HS6ST1: variants seen among roughly 807,000 people sequenced by gnomAD.
HS6ST1 encodes the protein heparan sulfate 6-O-sulfotransferase 1.
Under a neutral mutation model 25.2 loss-of-function variants are expected in HS6ST1, and 3 were observed. That is an observed-to-expected ratio of 0.12 (90% CI 0.05 to 0.31). HS6ST1 has a LOEUF of 0.31. HS6ST1 is among the 10% of genes least tolerant of loss of function. The pLI is 1.00. For missense variants in HS6ST1, 310 were observed against 609.6 expected (o/e 0.51, Z 5.18); for synonymous variants, 204 against 275.1 (o/e 0.74, Z 2.56).
At chr2:128,287,387 G>A (rs1034499998) in intron 1 of HS6ST1, among the ~76,000 whole-genome samples, 7 of 152,196 alleles carry the variant, frequency 4.6e-5, no homozygotes, top group Non-Finnish European at 7.4e-5. Context: ...GAGGGTGAAC[G>A]AGACCCCCAG....
chr2:128,283,665 CCTCGCTCCTCCCT>C (rs1203775424), intron 1 of HS6ST1, among the ~76,000 whole-genome samples: 1 of 152,178 alleles, frequency 6.6e-6, no homozygotes, highest in Non-Finnish European at 1.5e-5. Context: ...TCGGCCTCCC[CCTCGCTCCTCCCT>C]CCCCCATTAT....
chr2:128,282,341 C>A (rs1693801046), intron 1 of HS6ST1, among the ~76,000 whole-genome samples: 1 of 152,362 alleles, frequency 6.6e-6, no homozygotes, highest in East Asian at 1.9e-4. Context: ...AGAGCCGAAG[C>A]CCTGGACTCT....
rs752870320 is a variant in HS6ST1 at position 128,268,753 on chromosome 2, C to G, written c.645G>C (p.Thr215=). Reference sequence around the variant, plus strand: ...AGGGCGGCAGCTCCTCAGGCGTGGGCGTGCGCCCATCACACATATGCAACG... The same window carrying G: ...AGGGCGGCAGCTCCTCAGGCGTGGGGGTGCGCCCATCACACATATGCAACG... ...KTSLHMCDGR[T]PTPEELPPCY... is the part of the protein sequence containing the mutation. Residue 215 remains threonine, a synonymous_variant, in exon 2 of 2, where the codon ACG becomes ACC. Coordinates refer to ENST00000259241, the MANE Select transcript of HS6ST1 (RefSeq NM_004807.3). 2.5e-6 allele frequency: 4 copies of G among 1,612,048 alleles called. No individual in the cohort carries two copies. Among genetic ancestry groups the G allele is most frequent in the Non-Finnish European group, 3.4e-6 (4 of 1,179,894 alleles).
chr2:128,270,782 A>C (rs1348099176), intron 1 of HS6ST1, among the ~76,000 whole-genome samples: 2 of 152,156 alleles, frequency 1.3e-5, no homozygotes, highest in East Asian at 3.9e-4. Context: ...TGAACACAAA[A>C]AACCACAGTG....
chr2:128,304,468 G>A (rs547802520), intron 1 of HS6ST1, among the ~76,000 whole-genome samples: 22 of 152,334 alleles, frequency 1.4e-4, no homozygotes, highest in African/African-American at 4.6e-4. Context: ...TTGGCTAAGG[G>A]GCAGGAGGAC....
chr2:128,294,386 T>C (rs1411331971), intron 1 of HS6ST1, among the ~76,000 whole-genome samples: 2 of 152,164 alleles, frequency 1.3e-5, no homozygotes, highest in East Asian at 3.9e-4. Flanking sequence ...TCCTTGCTAG[T>C]GCTTGGGTCT....
chr2:128,303,913 G>A (rs920612643), intron 1 of HS6ST1, among the ~76,000 whole-genome samples: 1 of 152,216 alleles, frequency 6.6e-6, no homozygotes, highest in Non-Finnish European at 1.5e-5. Context: ...AGCGTGAGCA[G>A]AGATCTTCCA....
At chr2:128,299,483 T>C (rs1694090535) in intron 1 of HS6ST1, among the ~76,000 whole-genome samples, 1 of 152,148 alleles carries the variant, frequency 6.6e-6, no homozygotes, top group African/African-American at 2.4e-5. Flanking sequence ...TGCCCTATCC[T>C]CCAGACCCCT....
chr2:128,279,836 CAG>C (rs972528809), intron 1 of HS6ST1, among the ~76,000 whole-genome samples: 1 of 152,166 alleles, frequency 6.6e-6, no homozygotes, highest in Non-Finnish European at 1.5e-5. Flanking sequence ...ACCAGAAATT[CAG>C]AGAGGCAACC....
intron 1 of HS6ST1, among the ~76,000 whole-genome samples, chr2:128,303,581 G>T (rs1203503591): frequency 6.6e-6 from 1 of 152,242 alleles, no homozygotes; most frequent in East Asian, 1.9e-4. Flanking sequence ...ATGGTGGGGG[G>T]ACACTGGCTG....
At chr2:128,283,131 C>T (rs1183871003) in intron 1 of HS6ST1, among the ~76,000 whole-genome samples, 1 of 152,228 alleles carries the variant, frequency 6.6e-6, no homozygotes, top group Non-Finnish European at 1.5e-5. Context: ...CCCTGCGAGC[C>T]CACTTTCCTG....
chr2:128,316,559 CT>C (rs1694365892), intron 1 of HS6ST1, among the ~76,000 whole-genome samples: 1 of 152,170 alleles, frequency 6.6e-6, no homozygotes, highest in Non-Finnish European at 1.5e-5. Context: ...GAACGTGCAT[CT>C]GTGCAGAGCA....
At chr2:128,302,918 C>T (rs1299572953) in intron 1 of HS6ST1, among the ~76,000 whole-genome samples, 1 of 152,220 alleles carries the variant, frequency 6.6e-6, no homozygotes, top group African/African-American at 2.4e-5. Context: ...TCTTCTCCCC[C>T]GACGGCCTGC....
At chr2:128,313,781 C>T (rs943312469) in intron 1 of HS6ST1, among the ~76,000 whole-genome samples, 5 of 152,014 alleles carry the variant, frequency 3.3e-5, no homozygotes, top group African/African-American at 1.2e-4. Flanking sequence ...GAGCAGGAGT[C>T]CCCAGGCCCC....
At chr2:128,299,791 C>G (rs1193928306) in intron 1 of HS6ST1, among the ~76,000 whole-genome samples, 1 of 152,228 alleles carries the variant, frequency 6.6e-6, no homozygotes, top group Non-Finnish European at 1.5e-5. Flanking sequence ...ACCCCTCCCC[C>G]ATCCCGGCCC....
intron 1 of HS6ST1, among the ~76,000 whole-genome samples, chr2:128,270,452 C>A (rs1160098080): frequency 6.6e-6 from 1 of 152,260 alleles, no homozygotes; most frequent in Non-Finnish European, 1.5e-5. Context: ...TACCACCCAT[C>A]CATGCTGATG....
intron 1 of HS6ST1, among the ~76,000 whole-genome samples, chr2:128,288,958 G>A (rs1012878204): frequency 6.6e-6 from 1 of 152,074 alleles, no homozygotes; most frequent in African/African-American, 2.4e-5. Flanking sequence ...TCTCACCCAC[G>A]ACCCCACAGA....
intron 1 of HS6ST1, among the ~76,000 whole-genome samples, chr2:128,313,409 A>G (rs1357966541): frequency 6.6e-6 from 1 of 152,214 alleles, no homozygotes; most frequent in Non-Finnish European, 1.5e-5. Flanking sequence ...TTTTAATGAC[A>G]ACAGACAACA....
At chr2:128,292,483 C>G (rs1319105195) in intron 1 of HS6ST1, among the ~76,000 whole-genome samples, 1 of 152,224 alleles carries the variant, frequency 6.6e-6, no homozygotes, top group Admixed American at 6.5e-5. Flanking sequence ...CCCCGGCGCT[C>G]TGGGACCTTG....
Sources: gnomAD v4.1 joint callset for allele counts (sites outside exome capture counted in the v4.1 genomes callset) on GRCh38, gnomAD v4.1.1 for gene constraint, MANE v1.5 for transcripts, NCBI Gene and HGNC (gene_info 2026-07-23, HGNC 2026-07-21) for gene names.